RTN1: variants seen among roughly 807,000 people sequenced by gnomAD.
RTN1 encodes the protein reticulon-1.
A neutral mutation model predicts 65.5 loss-of-function variants in RTN1; 25 were observed. The ratio of observed to expected loss-of-function variants is 0.38; its 90% CI spans 0.28 to 0.53. The LOEUF (loss-of-function observed/expected upper bound fraction) is 0.53, where lower values mean the gene tolerates loss of function less well. Among genes scored for constraint, RTN1 ranks in the 20% least tolerant of loss-of-function variants. The pLI is 0.79. For missense variants in RTN1, 983 were observed against 1,025.4 expected (o/e 0.96, Z 0.57); for synonymous variants, 471 against 447.6 (o/e 1.05, Z -0.66).
At chr14:59,717,885 C>T (rs1221435814) in intron 3 of RTN1, among the ~76,000 whole-genome samples, 1 of 152,228 alleles carries the variant, frequency 6.6e-6, no homozygotes, top group African/African-American at 2.4e-5. Flanking sequence ...CCGACATAGT[C>T]CCTAGAGTAA....
In RTN1 at chr14:59,849,518, A is replaced by C. The variant is rs1477892555; in HGVS notation, c.241+20872T>G. ...AATTCTTCTCCATTTAGATAAAGTT[A>C]ATATGAGTCTTTTGGAAAATCCCCA... On this transcript the variant is annotated intron_variant, in intron 1 of 8. Coordinates refer to ENST00000267484, the MANE Select transcript of RTN1 (RefSeq NM_021136.3). The surrounding 1 kb of genome is among the most constrained non-coding windows in gnomAD (Gnocchi z 4.5). Among the ~76,000 whole-genome samples, 1 of 152,230 alleles carries C rather than the reference A, an allele frequency of 6.6e-6. No individual in the cohort carries two copies. Among genetic ancestry groups the C allele is most frequent in the Non-Finnish European group, 1.5e-5 (1 of 68,040 alleles).
intron 2 of RTN1, among the ~76,000 whole-genome samples, chr14:59,734,558 G>A (rs1300617680): frequency 6.6e-6 from 1 of 152,152 alleles, no homozygotes; most frequent in African/African-American, 2.4e-5. Flanking sequence ...AGCTAGAGCT[G>A]AAAAACACAC....
chr14:59,822,614 T>C (rs992039659), intron 1 of RTN1, among the ~76,000 whole-genome samples: 7 of 152,226 alleles, frequency 4.6e-5, no homozygotes, highest in African/African-American at 1.4e-4. Context: ...CTTGTTAATT[T>C]TGAGATTTTT....
In RTN1 at chr14:59,868,444, TATA is replaced by T. The variant is rs766914944; in HGVS notation, c.241+1943_241+1945del. Among the ~76,000 whole-genome samples the T allele has an allele frequency of 6.6e-6, 1 of 152,326 alleles. No individual in the cohort carries two copies. The highest frequency in any genetic ancestry group is 2.4e-5 in the African/African-American group (1 of 41,588). Reference sequence around the variant, plus strand: ...CACATTCAATAAAGCAAGGTATTTCTATAATAATAATACTAAAAATGCAAAATG... The same window carrying T: ...CACATTCAATAAAGCAAGGTATTTCTATAATAATACTAAAAATGCAAAATG... On this transcript the variant is annotated intron_variant, in intron 1 of 8. Coordinates refer to ENST00000267484, the MANE Select transcript of RTN1 (RefSeq NM_021136.3). This position sits in a 1 kb window ranked among gnomAD's most constrained non-coding sequence, Gnocchi z 4.0.
intron 1 of RTN1, among the ~76,000 whole-genome samples, chr14:59,854,661 A>C (rs896535487): frequency 2.0e-5 from 3 of 151,492 alleles, no homozygotes; most frequent in African/African-American, 4.8e-5. Context: ...AAAAAAAAAA[A>C]AAATAGATGC....
At chr14:59,754,623 A>T (rs563087222) in intron 1 of RTN1, among the ~76,000 whole-genome samples, 1 of 152,210 alleles carries the variant, frequency 6.6e-6, no homozygotes. Flanking sequence ...ACTAAATGAG[A>T]TAATGCCCTT....
rs1369457825 is a variant in RTN1 at position 59,794,012 on chromosome 14, A to C, written c.242-47531T>G. Among the ~76,000 whole-genome samples, 1 of 151,356 alleles carries C rather than the reference A, an allele frequency of 6.6e-6. No homozygotes were observed. Among genetic ancestry groups the C allele is most frequent in the Non-Finnish European group, 1.5e-5 (1 of 67,852 alleles). On this transcript the variant is annotated intron_variant, in intron 1 of 8. Transcript: ENST00000267484. This position sits in a 1 kb window ranked among gnomAD's most constrained non-coding sequence, Gnocchi z 5.1. Reference sequence around the variant, plus strand: ...CTGGATGCCTCCTAGCACCCATTACACTCCTCTCCCACTGAGTACCGGCCA... The same window carrying C: ...CTGGATGCCTCCTAGCACCCATTACCCTCCTCTCCCACTGAGTACCGGCCA...
chr14:59,716,215 CA>C (rs1884531470), intron 3 of RTN1, among the ~76,000 whole-genome samples: 2 of 152,236 alleles, frequency 1.3e-5, no homozygotes, highest in Admixed American at 1.3e-4. Context: ...GTAAGCAGGC[CA>C]ATTACCTGGA....
At position 59,672,625 on chromosome 14, in the gene RTN1, C is replaced by CTTTTTTTTT. The variant is rs71111662; in HGVS notation, c.1765+54285_1765+54293dup. ...TTGAATGAATGAATACAAGATATTT[C>CTTTTTTTTT]TTTTTTTTTTTTTTTTTTTTTTTTT... is the stretch of plus-strand genomic sequence containing the variant. On this transcript the variant is annotated intron_variant, in intron 3 of 8. Transcript: ENST00000267484. Among the ~76,000 whole-genome samples, 20 of 79,102 alleles carry CTTTTTTTTT rather than the reference C, an allele frequency of 2.5e-4. 5 individuals carry two copies. Among genetic ancestry groups the CTTTTTTTTT allele is most frequent in the African/African-American group, 5.5e-4 (13 of 23,776 alleles). 51.9% of individuals were successfully genotyped at this position (79,102 alleles called of 152,430 possible). A position where few individuals can be genotyped will look rare whatever the true frequency, so the allele number is the denominator to read the frequency against.
chr14:59,689,406 T>A (rs1393205561), intron 3 of RTN1, among the ~76,000 whole-genome samples: 1 of 151,930 alleles, frequency 6.6e-6, no homozygotes, highest in African/African-American at 2.4e-5. Flanking sequence ...TTCAGAAAAA[T>A]TTCCTCAATC....
At chr14:59,667,999 A>G (rs1883417323) in intron 3 of RTN1, among the ~76,000 whole-genome samples, 1 of 152,218 alleles carries the variant, frequency 6.6e-6, no homozygotes, top group Non-Finnish European at 1.5e-5. Context: ...GGATAGGAAG[A>G]ATCAATATGA....
Position 59,746,390 on chromosome 14 carries a change from G to A in RTN1, c.333C>T (p.Asp111=). The A allele has an allele frequency of 2.5e-6, 4 of 1,614,040 alleles. No homozygotes were observed. Among genetic ancestry groups the A allele is most frequent in the Non-Finnish European group, 3.4e-6 (4 of 1,179,944 alleles). Residue 111 remains aspartate, a synonymous_variant, in exon 2 of 9, where the codon GAC becomes GAT. Coordinates refer to ENST00000267484, the MANE Select transcript of RTN1 (RefSeq NM_021136.3). ...AATCCTCCTGAGGTGGATAGCAGAT[G>A]TCAGAAATGAGAGATGTGTAACACG... The part of the protein sequence containing the change: ...EGSCYTSLIS[D]ICYPPQEDST...
intron 3 of RTN1, among the ~76,000 whole-genome samples, chr14:59,661,259 CAAA>C (rs768483248): frequency 2.4e-5 from 2 of 83,398 alleles, no homozygotes; most frequent in East Asian, 3.7e-4. Flanking sequence ...GCCTACCAAC[CAAA>C]AAAAAAAAAA....
intron 3 of RTN1, among the ~76,000 whole-genome samples, chr14:59,674,140 T>C (rs1157845256): frequency 1.3e-5 from 2 of 152,216 alleles, no homozygotes; most frequent in Non-Finnish European, 1.5e-5. Context: ...GTTTTCTACA[T>C]GTATTGGAAG....
chr14:59,657,481 C>T (rs999607450), intron 3 of RTN1, among the ~76,000 whole-genome samples: 2 of 150,312 alleles, frequency 1.3e-5, no homozygotes, highest in Non-Finnish European at 3.0e-5. Context: ...CAGCTCTGGT[C>T]TGCAGCTCCC....
chr14:59,707,748 CAT>C (rs1884329989), intron 3 of RTN1, among the ~76,000 whole-genome samples: 1 of 150,722 alleles, frequency 6.6e-6, no homozygotes, highest in Non-Finnish European at 1.5e-5. Flanking sequence ...CACACAAATA[CAT>C]ACACACAAAC....
At chr14:59,620,684 C>T (rs1422935414) in intron 3 of RTN1, among the ~76,000 whole-genome samples, 2 of 151,994 alleles carry the variant, frequency 1.3e-5, no homozygotes. Context: ...AATAAGGCTT[C>T]AAAAAGGAAT....
chr14:59,788,704 T>C (rs1337039257), intron 1 of RTN1, among the ~76,000 whole-genome samples: 1 of 152,252 alleles, frequency 6.6e-6, no homozygotes, highest in Admixed American at 6.5e-5. Flanking sequence ...TTCTTTCAAT[T>C]GATCTATTTC....
At chr14:59,804,272 T>C (rs1361665095) in intron 1 of RTN1, among the ~76,000 whole-genome samples, 1 of 152,112 alleles carries the variant, frequency 6.6e-6, no homozygotes, top group Non-Finnish European at 1.5e-5. Flanking sequence ...TTGTATTGTG[T>C]TTTTTTCCTC....
Sources: gnomAD v4.1 joint callset for allele counts (sites outside exome capture counted in the v4.1 genomes callset) on GRCh38, gnomAD v4.1.1 for gene constraint, Gnocchi (gnomAD v3.1) non-coding constraint, MANE v1.5 for transcripts, NCBI Gene and HGNC (gene_info 2026-07-23, HGNC 2026-07-21) for gene names.